The following SLC13A3 variants were observed in gnomAD, a reference collection of about 807,000 sequenced individuals.
SLC13A3 encodes the protein solute carrier family 13 member 3.
In SLC13A3, 40 loss-of-function variants were observed where a neutral mutation model predicts 59.0. That is an observed-to-expected ratio of 0.68 (90% CI 0.53 to 0.88). The LOEUF (loss-of-function observed/expected upper bound fraction) is 0.88. Among genes scored for constraint, SLC13A3 ranks in the 40% least tolerant of loss-of-function variants. The pLI, the probability that SLC13A3 is intolerant of heterozygous loss-of-function variation, is 0.00. For synonymous variants in SLC13A3, 317 were observed against 330.3 expected (o/e 0.96, Z 0.44); for missense variants, 699 against 783.2 (o/e 0.89, Z 1.28).
chr20:46,633,265 T>C (rs1398237766), intron 1 of SLC13A3, among the ~76,000 whole-genome samples: 1 of 152,136 alleles, frequency 6.6e-6, no homozygotes. Context: ...AAACCCTTTC[T>C]GCCAAGGCCA....
chr20:46,587,425 C>A (rs1406116375), intron 8 of SLC13A3, among the ~76,000 whole-genome samples: 3 of 152,278 alleles, frequency 2.0e-5, no homozygotes, highest in Non-Finnish European at 2.9e-5. Context: ...CCTCCCCTAC[C>A]TTTCCTCACC....
intron 3 of SLC13A3, among the ~76,000 whole-genome samples, chr20:46,603,456 C>CCTCGA (rs1460799135): frequency 6.6e-6 from 1 of 151,974 alleles, no homozygotes; most frequent in East Asian, 1.9e-4. Flanking sequence ...CTCACAACAG[C>CCTCGA]CTCGACATAC....
intron 1 of SLC13A3, among the ~76,000 whole-genome samples, chr20:46,649,947 C>T (rs1483153113): frequency 6.6e-6 from 1 of 152,194 alleles, no homozygotes; most frequent in Non-Finnish European, 1.5e-5. Context: ...GAGAAGCTCC[C>T]TGGTCTCAGC....
At chr20:46,605,132 G>A (rs759574339) in intron 3 of SLC13A3, among the ~76,000 whole-genome samples, 32 of 152,316 alleles carry the variant, frequency 2.1e-4, no homozygotes, top group Non-Finnish European at 1.0e-4. Context: ...AAGGGTATTC[G>A]TACACACAGA....
At chr20:46,577,630 T>A (rs576646645) in intron 9 of SLC13A3, among the ~76,000 whole-genome samples, 1 of 152,350 alleles carries the variant, frequency 6.6e-6, no homozygotes, top group Admixed American at 6.5e-5. Context: ...AGTGCTCAGT[T>A]AATGTTAGCT....
intron 2 of SLC13A3, among the ~76,000 whole-genome samples, chr20:46,612,147 T>TTTG (rs1555879622): frequency 6.9e-5 from 10 of 145,554 alleles, no homozygotes; most frequent in Non-Finnish European, 7.5e-5. Flanking sequence ...TTTTTTTTTT[T>TTTG]GAGACAGGGT....
chr20:46,680,659 A>G (rs1037225088), intron 1 of SLC13A3, among the ~76,000 whole-genome samples: 1 of 152,254 alleles, frequency 6.6e-6, no homozygotes. Context: ...ATCTTGTGAC[A>G]TCTCTGAAGA....
upstream of SLC13A3, among the ~76,000 whole-genome samples, chr20:46,673,288 G>A (rs1212617709): frequency 6.6e-6 from 1 of 152,132 alleles, no homozygotes; most frequent in African/African-American, 2.4e-5. Flanking sequence ...CGCTATGTGA[G>A]GTATGAATAA....
intron 1 of SLC13A3, among the ~76,000 whole-genome samples, chr20:46,681,426 GA>G (rs1163697501): frequency 6.6e-6 from 1 of 151,994 alleles, no homozygotes; most frequent in Non-Finnish European, 1.5e-5. Context: ...GGGGAGAAAA[GA>G]AAGGGAGGAA....
At chr20:46,625,905 C>G (rs1371426032) in intron 1 of SLC13A3, among the ~76,000 whole-genome samples, 6 of 152,114 alleles carry the variant, frequency 3.9e-5, no homozygotes, top group Non-Finnish European at 1.5e-5. Flanking sequence ...TGTACATTTT[C>G]CTGCTGGTGG....
chr20:46,602,261 A>G (rs923187304), intron 3 of SLC13A3, among the ~76,000 whole-genome samples: 1 of 152,156 alleles, frequency 6.6e-6, no homozygotes, highest in South Asian at 2.1e-4. Context: ...TGTTGAGCCC[A>G]GGAGTTGGAG....
In SLC13A3 at chr20:46,583,858, C is replaced by T. The variant is rs984985505; in HGVS notation, c.1122-189G>A. On this transcript the variant is annotated intron_variant, in intron 8 of 12. Transcript: ENST00000279027. ...GTGCAAAGCTCTTCATTCACAGCTC[C>T]CTGGGGGCATTTAGATGCTGCTTGG... The T allele has an allele frequency of 2.3e-5, 23 of 985,262 alleles. No individual in the cohort carries two copies. The Admixed American group carries it at 1.3e-3, about 55-fold the overall frequency. 61.0% of individuals were successfully genotyped at this position (985,262 alleles called of 1,614,324 possible). A position where few individuals can be genotyped will look rare whatever the true frequency, so the allele number is the denominator to read the frequency against.
rs949437808 is a variant in SLC13A3, at chr20:46,560,297, G to A, written c.1633-99C>T. On this transcript the variant is annotated intron_variant, in intron 12 of 12. Coordinates refer to ENST00000279027, the MANE Select transcript of SLC13A3 (RefSeq NM_022829.6). ...GACAGGAAGTCACTCACCCAAGATC[G>A]CACAGCCAGGAAGTGATGGAGCCAG... The A allele has an allele frequency of 2.0e-5, 23 of 1,174,736 alleles. No individual in the cohort carries two copies. The African/African-American group carries it at 2.1e-4, about 11-fold the overall frequency. The allele number at this position is 1,174,736 out of a possible 1,614,324, so 72.8% of individuals were successfully genotyped here. A position where few individuals can be genotyped will look rare whatever the true frequency, so the allele number is the denominator to read the frequency against.
In SLC13A3 at chr20:46,596,149, G is replaced by C. The variant is rs373114275; in HGVS notation, c.794+8C>G. 6.8e-6 allele frequency: 11 copies of C among 1,611,654 alleles called. No individual in the cohort carries two copies. The African/African-American group carries it at 1.5e-4, about 22-fold the overall frequency. On this transcript the variant is annotated splice_region_variant and intron_variant, in intron 5 of 12. Transcript: ENST00000279027. ...ACCCTCCCCGCCGGTGGGGACTCTC[G>C]CTTTCACCTCTTGAGCTGGCCAAGC...
intron 1 of SLC13A3, among the ~76,000 whole-genome samples, chr20:46,629,672 ACAG>A (rs1455026275): frequency 4.6e-5 from 7 of 152,136 alleles, no homozygotes; most frequent in Admixed American, 3.9e-4. Context: ...TCTGTCTGAT[ACAG>A]CCTTTATAAC....
At chr20:46,600,311 GAGGGAAGGAAGGAAA>G (rs2062362876) in intron 3 of SLC13A3, among the ~76,000 whole-genome samples, 3 of 87,652 alleles carry the variant, frequency 3.4e-5, no homozygotes, top group African/African-American at 5.3e-5. Flanking sequence ...AAGAAAGAAA[GAGGGAAGGAAGGAAA>G]GGAAGGAAGG....
chr20:46,582,962 C>G (rs2062153063), intron 9 of SLC13A3: 1 of 985,310 alleles, frequency 1.0e-6, no homozygotes, highest in African/African-American at 1.7e-5. Flanking sequence ...ATCTGAATGC[C>G]TTTAGGCAGT....
At position 46,592,258 on chromosome 20, in the gene SLC13A3, T is replaced by C. The variant is rs138541113; in HGVS notation, c.920+146A>G. ...ATACATACATACATACATATATACA[T>C]ACCTACATACATACATACATAAAAG... is the stretch of plus-strand genomic sequence containing the variant. On this transcript the variant is annotated intron_variant, in intron 6 of 12. Coordinates refer to ENST00000279027, the MANE Select transcript of SLC13A3 (RefSeq NM_022829.6). 8.5e-4 allele frequency: 828 copies of C among 968,806 alleles called. 3 individuals carry two copies. The African/African-American group carries it at 0.012, about 14-fold the overall frequency. 60.0% of individuals were successfully genotyped at this position (968,806 alleles called of 1,614,324 possible).
chr20:46,622,621 CGTGTGTGTGTGTGTGTGTGTGTGTGTGT>C (rs11469544), intron 1 of SLC13A3, among the ~76,000 whole-genome samples: 2 of 134,074 alleles, frequency 1.5e-5, no homozygotes, highest in East Asian at 2.7e-4. Flanking sequence ...GTGGTGTGTG[CGTGTGTGTGTGTGTGTGTGTGTGTGTGT>C]GTGTGTGTGT....
Sources: gnomAD v4.1 joint callset for allele counts (sites outside exome capture counted in the v4.1 genomes callset) on GRCh38, gnomAD v4.1.1 for gene constraint, MANE v1.5 for transcripts, NCBI Gene and HGNC (gene_info 2026-07-23, HGNC 2026-07-21) for gene names.